The following SMURF2 variants were observed in gnomAD, a reference collection of about 807,000 sequenced individuals.
SMURF2 encodes the protein E3 ubiquitin-protein ligase SMURF2.
A neutral mutation model predicts 109.6 loss-of-function variants in SMURF2; 48 were observed. That is an observed-to-expected ratio of 0.44 (90% CI 0.35 to 0.56). SMURF2 has a LOEUF of 0.56. Ranked by LOEUF, SMURF2 falls within the 20% of genes least tolerant of loss-of-function variation. The pLI is 0.01. For synonymous variants in SMURF2, 288 were observed against 317.1 expected (o/e 0.91, Z 0.97); for missense variants, 575 against 909.0 (o/e 0.63, Z 4.72).
chr17:64,650,257 G>C (rs377497458), intron 1 of SMURF2, among the ~76,000 whole-genome samples: 2 of 141,364 alleles, frequency 1.4e-5, no homozygotes, highest in Non-Finnish European at 1.5e-5. Flanking sequence ...GGCTGGTCTC[G>C]AACTCCTGAG....
rs145845053 is a variant in SMURF2 at position 64,586,147 on chromosome 17, T to C, written c.424A>G (p.Ile142Val). Residue 142 changes from isoleucine (I) to valine (V), a missense_variant, in exon 6 of 19, where the codon ATA becomes GTA. By Grantham distance (29) the Ile-to-Val change is conservative. This residue lies in a region of SMURF2 where 151 missense variants were observed against 178.4 expected (regional missense o/e 0.85). Transcript: ENST00000262435. Reference protein sequence around the residue: ...IVVSLQSRDRIGTGGQVVDCS... With the variant: ...IVVSLQSRDRVGTGGQVVDCS... The stretch of plus-strand genomic sequence containing the variant: ...TCCACAACTTGTCCTCCTGTGCCTA[T>C]TCGGTCTCTGGACTGAAGACTTACT... 3.9e-4 allele frequency: 626 copies of C among 1,609,132 alleles called. 1 individual carries two copies. In the Middle Eastern group the frequency reaches 5.4e-3, roughly 14 times the overall value.
chr17:64,589,706 C>T (rs1969723617), intron 5 of SMURF2, among the ~76,000 whole-genome samples: 1 of 151,872 alleles, frequency 6.6e-6, no homozygotes, highest in Non-Finnish European at 1.5e-5. Flanking sequence ...TCTCCCATCA[C>T]CCACAGATGG....
At chr17:64,588,289 GAA>G (rs1222498790) in intron 5 of SMURF2, among the ~76,000 whole-genome samples, 5 of 151,856 alleles carry the variant, frequency 3.3e-5, no homozygotes, top group African/African-American at 9.6e-5. Context: ...TTTAAACAAG[GAA>G]AAAAGTTTGT....
chr17:64,652,839 A>G (rs1970657472), intron 1 of SMURF2, among the ~76,000 whole-genome samples: 1 of 152,200 alleles, frequency 6.6e-6, no homozygotes, highest in Non-Finnish European at 1.5e-5. Context: ...AGTATTTTCA[A>G]CAAATAGGGC....
In SMURF2 at chr17:64,637,923, C is replaced by CAAAAAAAAAA. The variant is rs59701513; in HGVS notation, c.52+23896_52+23905dup. Among the ~76,000 whole-genome samples, 471 of 72,502 alleles carry CAAAAAAAAAA rather than the reference C, an allele frequency of 6.5e-3. 24 individuals carry two copies. Among genetic ancestry groups the CAAAAAAAAAA allele is most frequent in the African/African-American group, 0.019 (450 of 24,268 alleles). The allele number at this position is 72,502 out of a possible 152,430, so 47.6% of individuals were successfully genotyped here. On this transcript the variant is annotated intron_variant, in intron 1 of 18. Coordinates refer to ENST00000262435, the MANE Select transcript of SMURF2 (RefSeq NM_022739.4). ...CATTGAATGGTTTTGGCGCCCTAGT[C>CAAAAAAAAAA]AAAAAAAAAAAAAAAAAAAATCAAC...
intron 1 of SMURF2, among the ~76,000 whole-genome samples, chr17:64,609,193 T>G (rs1259422381): frequency 2.0e-5 from 3 of 152,192 alleles, no homozygotes; most frequent in Non-Finnish European, 4.4e-5. Flanking sequence ...ATGGCCATAC[T>G]GCCCAAAGTA....
At chr17:64,597,149 T>G (rs1479593415) in intron 3 of SMURF2, among the ~76,000 whole-genome samples, 2 of 152,152 alleles carry the variant, frequency 1.3e-5, no homozygotes, top group Non-Finnish European at 2.9e-5. Context: ...CCCACGCTTG[T>G]AATCCAAATA....
At chr17:64,576,145 T>C (rs1969486679) in intron 9 of SMURF2, among the ~76,000 whole-genome samples, 1 of 151,428 alleles carries the variant, frequency 6.6e-6, no homozygotes. Context: ...GCAGAGGTTG[T>C]AGTGAGCCAG....
chr17:64,570,431 T>C (rs920897694), intron 10 of SMURF2, among the ~76,000 whole-genome samples: 3 of 152,212 alleles, frequency 2.0e-5, no homozygotes, highest in Non-Finnish European at 4.4e-5. Flanking sequence ...CCAGAAGTGT[T>C]GAAAAAGACA....
rs117977856 is a variant in SMURF2 at position 64,563,884 on chromosome 17, G to A, written c.1017-918C>T. 3.3e-5 allele frequency among the ~76,000 whole-genome samples: 5 copies of A among 152,204 alleles called. No individual in the cohort carries two copies. In the East Asian group the frequency reaches 9.6e-4, roughly 29 times the overall value. On this transcript the variant is annotated intron_variant, in intron 10 of 18. Coordinates refer to ENST00000262435, the MANE Select transcript of SMURF2 (RefSeq NM_022739.4). ...CAGCCTCCTGGTAGCTAGAACTACA[G>A]GCACCCAATACCACCCTCAGCTTAA...
chr17:64,595,441 T>C (rs1291888630), intron 3 of SMURF2, among the ~76,000 whole-genome samples: 2 of 152,208 alleles, frequency 1.3e-5, no homozygotes, highest in Non-Finnish European at 2.9e-5. Flanking sequence ...CCTTTTGCAA[T>C]TGAAAGTTAA....
At chr17:64,591,516 T>C (rs2144653785) in intron 4 of SMURF2, among the ~76,000 whole-genome samples, 1 of 152,342 alleles carries the variant, frequency 6.6e-6, no homozygotes, top group South Asian at 2.1e-4. Flanking sequence ...AAATGTTAGT[T>C]GTCATTATCA....
chr17:64,630,613 C>T (rs575170547), intron 1 of SMURF2, among the ~76,000 whole-genome samples: 65 of 152,060 alleles, frequency 4.3e-4, no homozygotes, highest in Non-Finnish European at 7.9e-4. Flanking sequence ...CTACTGGGGG[C>T]AAGGGGACAA....
At chr17:64,641,148 T>C (rs1329863542) in intron 1 of SMURF2, among the ~76,000 whole-genome samples, 1 of 152,108 alleles carries the variant, frequency 6.6e-6, no homozygotes, top group Admixed American at 6.6e-5. Context: ...ACCTTTATAA[T>C]CCTTTATCAA....
intron 16 of SMURF2, among the ~76,000 whole-genome samples, chr17:64,551,369 AGAG>A (rs1260363365): frequency 1.3e-5 from 2 of 149,080 alleles, no homozygotes; most frequent in Non-Finnish European, 3.0e-5. Flanking sequence ...AAAAAAAAAA[AGAG>A]AGAGAGAGAC....
rs1336177310 is a variant in SMURF2, at chr17:64,544,324, C to T, written c.*1524G>A. The stretch of plus-strand genomic sequence containing the variant: ...GCACCCCTGAGGAACCCTTTGGCTC[C>T]AAGAACACAGACTGAAACCCACTCC... On this transcript the variant is annotated 3_prime_UTR_variant, in exon 19 of 19. Transcript: ENST00000262435. 1 of 152,110 alleles carries T rather than the reference C, an allele frequency of 6.6e-6. No homozygotes were observed. Among genetic ancestry groups the T allele is most frequent in the Non-Finnish European group, 1.5e-5 (1 of 68,046 alleles). 9.4% of individuals were successfully genotyped at this position (152,110 alleles called of 1,614,324 possible). A position where few individuals can be genotyped will look rare whatever the true frequency, so the allele number is the denominator to read the frequency against.
chr17:64,585,296 C>T (rs1372580891), intron 6 of SMURF2, among the ~76,000 whole-genome samples: 1 of 151,990 alleles, frequency 6.6e-6, no homozygotes, highest in Non-Finnish European at 1.5e-5. Flanking sequence ...TATTATGTGG[C>T]CTTAGGCAAA....
At chr17:64,647,621 C>T (rs1015830573) in intron 1 of SMURF2, among the ~76,000 whole-genome samples, 1 of 149,174 alleles carries the variant, frequency 6.7e-6, no homozygotes, top group Non-Finnish European at 1.5e-5. Flanking sequence ...GGGGAGGTTG[C>T]GGTGAGCCGA....
chr17:64,551,655 C>T lies in SMURF2; in HGVS notation c.1798G>A (p.Ala600Thr), dbSNP rs370936838. ...FLRGIEAQFL[A>T]LQKGFNEVIP... ...ACTTCATTAAATCCTTTCTGCAGAG[C>T]CAAGAATTGAGCCTCAATGCCTCGT... Residue 600 changes from alanine to threonine, a missense_variant, in exon 16 of 19, where the codon GCT (alanine) becomes ACT (threonine). Ala to Thr is a moderately conservative substitution (Grantham distance 58). Coordinates refer to ENST00000262435, the MANE Select transcript of SMURF2 (RefSeq NM_022739.4). 19 of 1,613,952 alleles carry T rather than the reference C, an allele frequency of 1.2e-5. No individual in the cohort carries two copies. The highest frequency in any genetic ancestry group is 1.5e-5 in the Non-Finnish European group (18 of 1,179,996).
Sources: gnomAD v4.1 joint callset for allele counts (sites outside exome capture counted in the v4.1 genomes callset) on GRCh38, gnomAD v4.1.1 for gene constraint, gnomAD v4.1.1 regional missense constraint, MANE v1.5 for transcripts, NCBI Gene and HGNC (gene_info 2026-07-23, HGNC 2026-07-21) for gene names.